Variants in TGFBR3 observed in about 807,000 individuals in gnomAD.
The protein encoded by TGFBR3 is transforming growth factor beta receptor 3, also known as transforming growth factor beta receptor type 3.
A neutral mutation model predicts 87.9 loss-of-function variants in TGFBR3; 46 were observed. The observed-to-expected ratio is 0.52, with a 90% CI of 0.41 to 0.67. The LOEUF (loss-of-function observed/expected upper bound fraction) is 0.67, where lower values mean the gene tolerates loss of function less well. TGFBR3 is among the 30% of genes least tolerant of loss of function. The pLI is 0.00. For synonymous variants in TGFBR3, 381 were observed against 391.6 expected, an observed-to-expected ratio of 0.97 and a Z score of 0.32; for missense variants, 866 against 1,041.9, an observed-to-expected ratio of 0.83 and a Z score of 2.32.
intron 3 of TGFBR3, among the ~76,000 whole-genome samples, chr1:91,794,498 C>T (rs1042128019): frequency 5.5e-5 from 8 of 146,274 alleles, no homozygotes; most frequent in South Asian, 2.3e-4. Context: ...CCACCTCGCC[C>T]GGCCTCCACT....
intron 15 of TGFBR3, among the ~76,000 whole-genome samples, chr1:91,696,089 C>A (rs1671428192): frequency 6.6e-6 from 1 of 152,108 alleles, no homozygotes; most frequent in African/African-American, 2.4e-5. Context: ...CTCTAAGGAC[C>A]TACTATTTGA....
intron 15 of TGFBR3, among the ~76,000 whole-genome samples, chr1:91,697,616 C>G (rs1671476496): frequency 6.6e-6 from 1 of 152,238 alleles, no homozygotes; most frequent in Non-Finnish European, 1.5e-5. Context: ...TTCATTCTTA[C>G]ATGCTCTTCC....
intron 2 of TGFBR3, among the ~76,000 whole-genome samples, chr1:91,806,656 T>C (rs952765473): frequency 6.6e-6 from 1 of 152,148 alleles, no homozygotes; most frequent in Non-Finnish European, 1.5e-5. Context: ...GAGCGTGTGT[T>C]CAGCTGTAAT....
Position 91,885,910 on chromosome 1 carries a change from C to T in TGFBR3, c.-146G>A. 2.3e-6 allele frequency: 1 copy of T among 433,540 alleles called. No homozygotes were observed. The allele number at this position is 433,540 out of a possible 1,614,324, so 26.9% of individuals were successfully genotyped here. On this transcript the variant is annotated 5_prime_UTR_variant, in exon 1 of 17. Transcript: ENST00000212355. ...GCGGTGTGTCCAGCGGAGATCCACC[C>T]GCAGCAAGTTGGAGGAAAGCGGCGG...
chr1:91,749,209 T>C (rs1381517441), intron 4 of TGFBR3, among the ~76,000 whole-genome samples: 1 of 152,054 alleles, frequency 6.6e-6, no homozygotes, highest in Non-Finnish European at 1.5e-5. Context: ...ACCAATAGAA[T>C]CTCAAGAACA....
chr1:91,886,655 C>T (rs1355909443), upstream of TGFBR3, among the ~76,000 whole-genome samples: 1 of 152,190 alleles, frequency 6.6e-6, no homozygotes, highest in Non-Finnish European at 1.5e-5. Context: ...CCCAGCAGAG[C>T]TCCCCCATGC....
rs577123941 is a variant in TGFBR3 at position 91,795,967 on chromosome 1, C to T, written c.246+1320G>A. Among the ~76,000 whole-genome samples, 26 of 152,290 alleles carry T rather than the reference C, an allele frequency of 1.7e-4. No homozygotes were observed. The East Asian group carries it at 1.9e-3, about 11-fold the overall frequency. On this transcript the variant is annotated intron_variant, in intron 3 of 16. Coordinates refer to ENST00000212355, the MANE Select transcript of TGFBR3 (RefSeq NM_003243.5). ...TTTTCCTTAACATCTCGTGCTTCTC[C>T]TCTTCCTACCACCCCAAAAGGATGG...
chr1:91,718,361 C>T (rs1268099465), intron 10 of TGFBR3, among the ~76,000 whole-genome samples: 1 of 152,058 alleles, frequency 6.6e-6, no homozygotes, highest in African/African-American at 2.4e-5. Flanking sequence ...CCACGCTGAC[C>T]AGAGCACCTG....
At chr1:91,848,668 T>C (rs2101136276) in intron 2 of TGFBR3, among the ~76,000 whole-genome samples, 1 of 152,362 alleles carries the variant, frequency 6.6e-6, no homozygotes, top group Middle Eastern at 3.4e-3. Context: ...TAAAACTGGA[T>C]GCAACTGTAT....
At chr1:91,729,287 C>CACACACACAG (rs1672676076) in intron 6 of TGFBR3, among the ~76,000 whole-genome samples, 1 of 47,848 alleles carries the variant, frequency 2.1e-5, no homozygotes. Flanking sequence ...CATGCGCATA[C>CACACACACAG]ACACACACAC....
chr1:91,711,078 C>T (rs1337775014), intron 13 of TGFBR3, among the ~76,000 whole-genome samples: 1 of 152,178 alleles, frequency 6.6e-6, no homozygotes, highest in Non-Finnish European at 1.5e-5. Flanking sequence ...CCCTTCTGCC[C>T]ACAGGAAGCA....
At chr1:91,884,418 A>G (rs1679214076) in intron 1 of TGFBR3, among the ~76,000 whole-genome samples, 1 of 152,186 alleles carries the variant, frequency 6.6e-6, no homozygotes, top group Non-Finnish European at 1.5e-5. Context: ...GGGCACCCTC[A>G]TAAGTATGTA....
chr1:91,761,902 C>T (rs956259294), intron 3 of TGFBR3, among the ~76,000 whole-genome samples: 2 of 152,046 alleles, frequency 1.3e-5, no homozygotes, highest in African/African-American at 2.4e-5. Context: ...GTCTAAAGGC[C>T]GAGCTGAGGC....
At chr1:91,734,441 C>T (rs1369678371) in intron 5 of TGFBR3, among the ~76,000 whole-genome samples, 1 of 152,184 alleles carries the variant, frequency 6.6e-6, no homozygotes, top group African/African-American at 2.4e-5. Context: ...CAGTCATCAC[C>T]TCCTTCCCAC....
At position 91,682,684 on chromosome 1, in the gene TGFBR3, T is replaced by A. The variant is rs1202117828; in HGVS notation, c.*1055A>T. 2.2e-6 allele frequency: 1 copy of A among 453,952 alleles called. No homozygotes were observed. The highest frequency in any genetic ancestry group is 7.0e-5 in the East Asian group (1 of 14,380). 28.1% of individuals were successfully genotyped at this position (453,952 alleles called of 1,614,324 possible). ...GCATCTTGCTACAGTTTGGTTTTTATGAAAGGGCCTATTTTTTTTTAAGTT... is the reference window on the plus strand; with the variant it reads ...GCATCTTGCTACAGTTTGGTTTTTAAGAAAGGGCCTATTTTTTTTTAAGTT... On this transcript the variant is annotated 3_prime_UTR_variant, in exon 17 of 17. Coordinates refer to ENST00000212355, the MANE Select transcript of TGFBR3 (RefSeq NM_003243.5).
chr1:91,762,124 C>T lies in TGFBR3; in HGVS notation c.247-3374G>A, dbSNP rs868196805. Among the ~76,000 whole-genome samples the T allele has an allele frequency of 3.9e-5, 6 of 152,124 alleles. No homozygotes were observed. The South Asian group carries it at 8.3e-4, about 21-fold the overall frequency. ...ATGCAAGCTGTGAAGGCTGGTAGAA[C>T]CAAAGGGGATGCAGCTCAAAGGAGC... On this transcript the variant is annotated intron_variant, in intron 3 of 16. Transcript: ENST00000212355.
At chr1:91,713,110 G>A (rs918691771) in intron 12 of TGFBR3, among the ~76,000 whole-genome samples, 8 of 152,188 alleles carry the variant, frequency 5.3e-5, no homozygotes, top group Non-Finnish European at 8.8e-5. Flanking sequence ...TGTCAGTGAC[G>A]GTGCAACCTG....
intron 1 of TGFBR3, among the ~76,000 whole-genome samples, chr1:91,904,590 G>T (rs1261940012): frequency 7.0e-6 from 1 of 142,852 alleles, no homozygotes; most frequent in Non-Finnish European, 1.5e-5. Flanking sequence ...TTGAGGTGGA[G>T]TCTCACTCTT....
In TGFBR3 at chr1:91,683,781, G is replaced by A. The variant is rs781031870; in HGVS notation, c.2514C>T (p.Gly838=). ...SENSSAAHSI[G]STQSTPCSSS... is the part of the protein sequence containing the mutation. ...TGGAGCAAGGCGTGCTCTGCGTGCT[G>A]CCGATGCTGTGGGCAGCACTGCTGT... The change falls in exon 17 of 17, where the codon GGC becomes GGT. Residue 838 remains glycine, a synonymous_variant. Coordinates refer to ENST00000212355, the MANE Select transcript of TGFBR3 (RefSeq NM_003243.5). The A allele has an allele frequency of 4.4e-6, 7 of 1,604,308 alleles. No homozygotes were observed. The South Asian group carries it at 7.8e-5, about 18-fold the overall frequency.
Sources: allele counts gnomAD v4.1 joint callset (sites outside exome capture counted in the v4.1 genomes callset), GRCh38; gene constraint gnomAD v4.1.1; transcripts MANE v1.5; gene names NCBI Gene and HGNC (gene_info 2026-07-23, HGNC 2026-07-21).